MINDY4B: variants seen among roughly 807,000 people sequenced by gnomAD.
MINDY4B encodes inactive ubiquitin carboxyl-terminal hydrolase MINDY-4B.
Under a neutral mutation model 16.7 loss-of-function variants are expected in MINDY4B, and 25 were observed. The observed-to-expected ratio is 1.49, with a 90% CI of 1.09 to 2.09. The LOEUF (loss-of-function observed/expected upper bound fraction) is 2.09, where lower values mean the gene tolerates loss of function less well. Among genes scored for constraint, MINDY4B ranks in the 30% most tolerant of loss-of-function variants. The pLI, the probability that MINDY4B is intolerant of heterozygous loss-of-function variation, is 0.00. For synonymous variants in MINDY4B, 132 were observed against 61.9 expected (o/e 2.13, Z -5.32); for missense variants, 327 against 168.4 (o/e 1.94, Z -5.21).
At chr3:150,872,033 G>T (rs1365207379) in intron 11 of MINDY4B, among the ~76,000 whole-genome samples, 1 of 152,148 alleles carries the variant, frequency 6.6e-6, no homozygotes, top group African/African-American at 2.4e-5. Context: ...TATTCAATTA[G>T]TAACTACTTG....
chr3:150,871,152 C>G lies in MINDY4B; in HGVS notation c.1276G>C (p.Glu426Gln), dbSNP rs1018275465. The G allele has an allele frequency of 1.4e-6, 1 of 702,664 alleles. No individual in the cohort carries two copies. Among genetic ancestry groups the G allele is most frequent in the Non-Finnish European group, 2.6e-6 (1 of 384,834 alleles). The allele number at this position is 702,664 out of a possible 1,614,324, so 43.5% of individuals were successfully genotyped here. Residue 426 changes from glutamate to glutamine, a missense_variant, in exon 12 of 12, where the codon GAA (glutamate) becomes CAA (glutamine). Physicochemically the swap from Glu to Gln is conservative, Grantham distance 29. Transcript: ENST00000465419. Reference sequence around the variant, plus strand: ...CGTCGTCTTGGTCCATGTTTCTCTTCCTGTTGGTCTCTTTCCCAGTGATGG... The same window carrying G: ...CGTCGTCTTGGTCCATGTTTCTCTTGCTGTTGGTCTCTTTCCCAGTGATGG... Reference protein sequence around the residue: ...HSHHWERDQQEEKHGPRRRFS... With the variant: ...HSHHWERDQQQEKHGPRRRFS...
chr3:150,893,060 C>T (rs1449340105), intron 5 of MINDY4B, among the ~76,000 whole-genome samples: 1 of 152,160 alleles, frequency 6.6e-6, no homozygotes, highest in Non-Finnish European at 1.5e-5. Context: ...CACCTGAGAC[C>T]TGCTGCTTAA....
rs148537536 is a variant in MINDY4B, at chr3:150,899,387, G to A, written c.309+3862C>T. On this transcript the variant is annotated intron_variant, in intron 3 of 11. Coordinates refer to ENST00000465419, the MANE Select transcript of MINDY4B (RefSeq NM_001351281.2). The stretch of plus-strand genomic sequence containing the variant: ...AGACTATTTATAAAGATGTGGGCTC[G>A]GTGTGGGGACACCACAATGGCTAAT... Among the ~76,000 whole-genome samples the A allele has an allele frequency of 7.2e-4, 110 of 152,258 alleles. No individual in the cohort carries two copies. The Middle Eastern group carries it at 0.01, about 14-fold the overall frequency.
chr3:150,894,378 G>T lies in MINDY4B; in HGVS notation c.310-73C>A, dbSNP rs1229556638. On this transcript the variant is annotated intron_variant, in intron 3 of 11. Coordinates refer to ENST00000465419, the MANE Select transcript of MINDY4B (RefSeq NM_001351281.2). ...GACATATTCCTCATGGTGGCCTCAT[G>T]GCCACCTCAAGGAGGTGGGCCTCGT... 5 of 615,740 alleles carry T rather than the reference G, an allele frequency of 8.1e-6. No individual in the cohort carries two copies. In the East Asian group the frequency reaches 1.4e-4, roughly 17 times the overall value. 38.1% of individuals were successfully genotyped at this position (615,740 alleles called of 1,614,324 possible). A position where few individuals can be genotyped will look rare whatever the true frequency, so the allele number is the denominator to read the frequency against.
intron 11 of MINDY4B, 47 bp downstream of exon 11, chr3:150,873,140 C>T (rs774502367): frequency 1.6e-5 from 11 of 680,100 alleles, no homozygotes; most frequent in South Asian, 1.6e-4. Context: ...AACCGCATCT[C>T]TTTGAGCACA....
intron 3 of MINDY4B, among the ~76,000 whole-genome samples, chr3:150,895,433 G>T (rs570323564): frequency 6.6e-6 from 1 of 152,148 alleles, no homozygotes; most frequent in South Asian, 2.1e-4. Flanking sequence ...TCCTTCATAG[G>T]TTACTTGGTG....
intron 10 of MINDY4B, among the ~76,000 whole-genome samples, chr3:150,879,173 G>T (rs1711502167): frequency 6.6e-6 from 1 of 152,176 alleles, no homozygotes; most frequent in South Asian, 2.1e-4. Flanking sequence ...TGTAAGTTCA[G>T]TTGAAATAGC....
intron 10 of MINDY4B, among the ~76,000 whole-genome samples, chr3:150,880,311 G>C (rs1576610261): frequency 2.7e-5 from 1 of 36,640 alleles, no homozygotes; most frequent in Non-Finnish European, 1.1e-4. Context: ...CCATCTGTGT[G>C]TGTGTGTGTG....
intron 10 of MINDY4B, among the ~76,000 whole-genome samples, chr3:150,876,762 T>G (rs1711497457): frequency 6.6e-6 from 1 of 152,182 alleles, no homozygotes. Context: ...TGGCAAGACC[T>G]AAATGGCTTC....
chr3:150,874,617 C>G (rs1717050366), intron 10 of MINDY4B, among the ~76,000 whole-genome samples: 1 of 152,180 alleles, frequency 6.6e-6, no homozygotes, highest in Non-Finnish European at 1.5e-5. Context: ...CTTAGCTTGG[C>G]CTTTCTTCCT....
At chr3:150,900,311 C>A (rs1168181333) in intron 3 of MINDY4B, among the ~76,000 whole-genome samples, 2 of 152,208 alleles carry the variant, frequency 1.3e-5, no homozygotes, top group African/African-American at 4.8e-5. Flanking sequence ...AGAGAAGATT[C>A]CCAGCAAAGA....
intron 5 of MINDY4B, among the ~76,000 whole-genome samples, chr3:150,891,658 A>C (rs6789909): frequency 0.078 from 11,711 of 149,876 alleles, 1,520 homozygotes; most frequent in African/African-American, 0.27. Context: ...GCTACTTGGG[A>C]GGCTGAGGCA....
intron 4 of MINDY4B, 120 bp from the exon 5 acceptor site, chr3:150,893,535 A>G (rs1008657681): frequency 1.5e-6 from 1 of 671,390 alleles, no homozygotes; most frequent in African/African-American, 1.8e-5. Context: ...ACACCATGCT[A>G]TATTTGTGCC....
At position 150,894,173 on chromosome 3, in the gene MINDY4B, A is replaced by G; in HGVS notation, c.429+13T>C. ...GGAATAAGGTTTTTTAAAAATTATAAACTGGCTATTACCTTTCCCACTTCC... is the reference window on the plus strand; with the variant it reads ...GGAATAAGGTTTTTTAAAAATTATAGACTGGCTATTACCTTTCCCACTTCC... On this transcript the variant is annotated intron_variant, in intron 4 of 11. Coordinates refer to ENST00000465419, the MANE Select transcript of MINDY4B (RefSeq NM_001351281.2). 1 of 678,966 alleles carries G rather than the reference A, an allele frequency of 1.5e-6. No homozygotes were observed. Among genetic ancestry groups the G allele is most frequent in the East Asian group, 2.7e-5 (1 of 37,168 alleles). 42.1% of individuals were successfully genotyped at this position (678,966 alleles called of 1,614,324 possible). A position where few individuals can be genotyped will look rare whatever the true frequency, so the allele number is the denominator to read the frequency against.
At chr3:150,874,021 TTTTTTTTTTTTA>T (rs1484256987) in intron 10 of MINDY4B, among the ~76,000 whole-genome samples, 31 of 145,770 alleles carry the variant, frequency 2.1e-4, no homozygotes, top group African/African-American at 7.6e-4. Flanking sequence ...TTTTTTTTTT[TTTTTTTTTTTTA>T]AAGACAGGAT....
rs1298613505 is a variant in MINDY4B, at chr3:150,873,366, A to T, written c.1061T>A (p.Val354Glu). The change falls in exon 11 of 12, where the codon GTG becomes GAG. Residue 354 changes from valine (V) to glutamate (E), a missense_variant and splice_region_variant. By Grantham distance (121) the Val-to-Glu change is moderately radical. Transcript: ENST00000465419. ...TTTGGGAGTCTTCAGCATGCTGCCC[A>T]CCTGGAAAGGGGAAGGGGAATGCAG... ...DASEDDRLSQ[V>E]GSMLKTPKLP... is the part of the protein sequence containing the mutation. The T allele has an allele frequency of 1.4e-6, 1 of 702,304 alleles. No individual in the cohort carries two copies. The highest frequency in any genetic ancestry group is 2.6e-6 in the Non-Finnish European group (1 of 384,690). The allele number at this position is 702,304 out of a possible 1,614,324, so 43.5% of individuals were successfully genotyped here.
At chr3:150,905,132 T>G in intron 1 of MINDY4B, 43 bp from the exon 2 acceptor site, 1 of 398,510 alleles carries the variant, frequency 2.5e-6, no homozygotes, top group Non-Finnish European at 4.4e-6. Flanking sequence ...ACTCACTCTC[T>G]TCAAACCTCA....
chr3:150,872,529 G>T (rs569493496), intron 11 of MINDY4B, among the ~76,000 whole-genome samples: 1 of 152,278 alleles, frequency 6.6e-6, no homozygotes, highest in South Asian at 2.1e-4. Context: ...TTTCCCTCAG[G>T]AGTTTATGAC....
intron 7 of MINDY4B, 23 bp from the exon 8 acceptor site, chr3:150,885,461 G>GAAAAAC: frequency 2.9e-6 from 2 of 699,364 alleles, no homozygotes; most frequent in Non-Finnish European, 5.2e-6. Context: ...GAAAAGAAAA[G>GAAAAAC]CATGTTGGTC....
Sources: gnomAD v4.1 joint callset for allele counts (sites outside exome capture counted in the v4.1 genomes callset) on GRCh38, gnomAD v4.1.1 for gene constraint, MANE v1.5 for transcripts, NCBI Gene and HGNC (gene_info 2026-07-23, HGNC 2026-07-21) for gene names.